The following NTNG1 variants were observed in gnomAD, a reference collection of about 807,000 sequenced individuals.
NTNG1 encodes the protein netrin-G1.
In NTNG1, 16 loss-of-function variants were observed where a neutral mutation model predicts 54.0. That is an observed-to-expected ratio of 0.30 (90% CI 0.20 to 0.45). The LOEUF (loss-of-function observed/expected upper bound fraction) is 0.45. NTNG1 is among the 20% of genes least tolerant of loss of function. The probability of loss-of-function intolerance (pLI) is 1.00; values close to 1 mark genes in which losing one functional copy is unlikely to be tolerated. For synonymous variants in NTNG1, 255 were observed against 263.1 expected, an observed-to-expected ratio of 0.97 and a Z score of 0.30; for missense variants, 530 against 678.7, an observed-to-expected ratio of 0.78 and a Z score of 2.43.
At chr1:107,194,129 C>G (rs532034217) in intron 2 of NTNG1, among the ~76,000 whole-genome samples, 1 of 151,944 alleles carries the variant, frequency 6.6e-6, no homozygotes, top group Non-Finnish European at 1.5e-5. Flanking sequence ...TAGAACTCTC[C>G]TTGTACTGGC....
At chr1:107,448,837 CTATT>C (rs1159023798) in intron 7 of NTNG1, among the ~76,000 whole-genome samples, 1 of 151,896 alleles carries the variant, frequency 6.6e-6, no homozygotes, top group Admixed American at 6.6e-5. Flanking sequence ...AACAAGTAGC[CTATT>C]TGTTTTCTTT....
intron 7 of NTNG1, among the ~76,000 whole-genome samples, chr1:107,466,244 G>T (rs1002150287): frequency 1.3e-5 from 2 of 152,242 alleles, no homozygotes; most frequent in Non-Finnish European, 2.9e-5. Context: ...GCTGTAGCAT[G>T]TCTGTGCAAT....
intron 7 of NTNG1, among the ~76,000 whole-genome samples, chr1:107,442,058 C>T (rs1023991592): frequency 6.6e-5 from 10 of 152,070 alleles, no homozygotes; most frequent in African/African-American, 2.4e-4. Context: ...AAAATTTAAA[C>T]ATTCTATCTT....
chr1:107,179,011 G>T (rs1638550123), intron 2 of NTNG1, among the ~76,000 whole-genome samples: 1 of 152,156 alleles, frequency 6.6e-6, no homozygotes, highest in African/African-American at 2.4e-5. Context: ...GTCCAAGCTT[G>T]ACATTAATGT....
intron 2 of NTNG1, among the ~76,000 whole-genome samples, chr1:107,307,416 T>G (rs1363965410): frequency 1.3e-5 from 2 of 152,170 alleles, no homozygotes; most frequent in Admixed American, 1.3e-4. Context: ...AATTTCTGAC[T>G]TGTATTGAGA....
chr1:107,235,186 T>A (rs1488891984), intron 2 of NTNG1, among the ~76,000 whole-genome samples: 1 of 152,108 alleles, frequency 6.6e-6, no homozygotes, highest in Non-Finnish European at 1.5e-5. Flanking sequence ...CTCTAGGACT[T>A]GAGATTTCAG....
chr1:107,454,485 G>A (rs1462399229), intron 7 of NTNG1, among the ~76,000 whole-genome samples: 1 of 151,964 alleles, frequency 6.6e-6, no homozygotes, highest in African/African-American at 2.4e-5. Flanking sequence ...CGGAAACAAC[G>A]GGCTTTCATT....
intron 3 of NTNG1, among the ~76,000 whole-genome samples, chr1:107,327,164 G>T (rs1260394428): frequency 6.6e-6 from 1 of 152,096 alleles, no homozygotes; most frequent in Admixed American, 6.6e-5. Context: ...CTTCCATAAG[G>T]TCTTCTTCTG....
chr1:107,448,806 A>C (rs1276722232), intron 7 of NTNG1, among the ~76,000 whole-genome samples: 1 of 152,104 alleles, frequency 6.6e-6, no homozygotes, highest in East Asian at 1.9e-4. Context: ...ATATTAAAAT[A>C]AGAAAAACCA....
rs147568713 is a variant in NTNG1, at chr1:107,152,628, G to A, written c.246+3789G>A. Among the ~76,000 whole-genome samples, 41 of 152,284 alleles carry A rather than the reference G, an allele frequency of 2.7e-4. No individual in the cohort carries two copies. The East Asian group carries it at 5.4e-3, about 20-fold the overall frequency. On this transcript the variant is annotated intron_variant, in intron 2 of 7. Coordinates refer to ENST00000370068, the MANE Select transcript of NTNG1 (RefSeq NM_001113226.3). ...TGGCTCAGAAGTGCTGATCACTGTAGAAATGGAAGCCCTTGAGTGCTGCTA... is the reference window on the plus strand; with the variant it reads ...TGGCTCAGAAGTGCTGATCACTGTAAAAATGGAAGCCCTTGAGTGCTGCTA...
intron 2 of NTNG1, among the ~76,000 whole-genome samples, chr1:107,260,511 A>G (rs1557850971): frequency 6.6e-6 from 1 of 152,240 alleles, no homozygotes; most frequent in East Asian, 1.9e-4. Flanking sequence ...AGCATCAGCA[A>G]TAAGACAAAA....
At chr1:107,173,187 A>T (rs1219518372) in intron 2 of NTNG1, among the ~76,000 whole-genome samples, 2 of 151,842 alleles carry the variant, frequency 1.3e-5, no homozygotes, top group Admixed American at 6.6e-5. Flanking sequence ...ATACCCAGCC[A>T]GGATTTTGTT....
intron 3 of NTNG1, among the ~76,000 whole-genome samples, chr1:107,327,192 C>CCAAATCCT (rs1668009365): frequency 6.6e-6 from 1 of 152,148 alleles, no homozygotes; most frequent in Non-Finnish European, 1.5e-5. Flanking sequence ...CAGACTTTGT[C>CCAAATCCT]CAAATCCTCA....
chr1:107,316,483 T>A (rs946599546), intron 2 of NTNG1, among the ~76,000 whole-genome samples: 1 of 152,192 alleles, frequency 6.6e-6, no homozygotes, highest in African/African-American at 2.4e-5. Context: ...CTTTCCTTCT[T>A]CATACTCTCC....
intron 5 of NTNG1, among the ~76,000 whole-genome samples, chr1:107,413,821 A>T (rs1570909567): frequency 6.6e-6 from 1 of 152,214 alleles, no homozygotes; most frequent in African/African-American, 2.4e-5. Context: ...CTCAATGTCC[A>T]ATTTCCAAAC....
chr1:107,313,010 G>A (rs1667117119), intron 2 of NTNG1, among the ~76,000 whole-genome samples: 1 of 152,028 alleles, frequency 6.6e-6, no homozygotes, highest in Admixed American at 6.6e-5. Flanking sequence ...GACAGTCAAA[G>A]TCAGGAAATT....
intron 2 of NTNG1, among the ~76,000 whole-genome samples, chr1:107,292,486 G>A (rs912733105): frequency 1.3e-5 from 2 of 152,074 alleles, no homozygotes; most frequent in Admixed American, 6.6e-5. Flanking sequence ...GTTGTTAAGC[G>A]GTCTCTCTGA....
At chr1:107,186,620 C>T (rs888823893) in intron 2 of NTNG1, among the ~76,000 whole-genome samples, 1 of 152,064 alleles carries the variant, frequency 6.6e-6, no homozygotes, top group Non-Finnish European at 1.5e-5. Context: ...ACTAACTCTC[C>T]GGCCACCCAA....
At position 107,424,879 on chromosome 1, in the gene NTNG1, T is replaced by C. The variant is rs185678920; in HGVS notation, c.1088-5871T>C. ...ATGGCCTGCATATAGACCATGGGGT[T>C]GGGTAAAAATCATCTAGAGTGAATG... On this transcript the variant is annotated intron_variant, in intron 5 of 7. Coordinates refer to ENST00000370068, the MANE Select transcript of NTNG1 (RefSeq NM_001113226.3). 1.5e-3 allele frequency among the ~76,000 whole-genome samples: 235 copies of C among 152,132 alleles called. 2 individuals are homozygous for C. The highest frequency in any genetic ancestry group is 5.4e-3 in the African/African-American group (225 of 41,526).
Sources: allele counts gnomAD v4.1 joint callset (sites outside exome capture counted in the v4.1 genomes callset), GRCh38; gene constraint gnomAD v4.1.1; transcripts MANE v1.5; gene names NCBI Gene and HGNC (gene_info 2026-07-23, HGNC 2026-07-21).